The following PLXNA4 variants were observed in gnomAD, a reference collection of about 807,000 sequenced individuals.
PLXNA4 encodes plexin-A4.
A neutral mutation model predicts 191.8 loss-of-function variants in PLXNA4; 44 were observed. That is an observed-to-expected ratio of 0.23 (90% CI 0.18 to 0.29). The LOEUF (loss-of-function observed/expected upper bound fraction) is 0.29. Ranked by LOEUF, PLXNA4 falls within the 10% of genes least tolerant of loss-of-function variation. The probability of loss-of-function intolerance (pLI) is 1.00; values close to 1 mark genes in which losing one functional copy is unlikely to be tolerated. For missense variants in PLXNA4, 1,800 were observed against 2,488.8 expected, an observed-to-expected ratio of 0.72 and a Z score of 5.89; for synonymous variants, 1,082 against 1,009.5, an observed-to-expected ratio of 1.07 and a Z score of -1.36.
intron 2 of PLXNA4, among the ~76,000 whole-genome samples, chr7:132,591,309 T>A (rs1802600219): frequency 6.6e-6 from 1 of 152,292 alleles, no homozygotes; most frequent in South Asian, 2.1e-4. Flanking sequence ...CCAGCCCTCA[T>A]CAAATCACTC....
At chr7:132,474,426 G>A (rs551942646) in intron 3 of PLXNA4, among the ~76,000 whole-genome samples, 132 of 152,214 alleles carry the variant, frequency 8.7e-4, no homozygotes, top group Non-Finnish European at 1.7e-3. Flanking sequence ...GGAGGTAGTA[G>A]GAGTGAACCT....
chr7:132,246,805 A>ATCC (rs200242797), intron 4 of PLXNA4, among the ~76,000 whole-genome samples: 6,578 of 147,422 alleles, frequency 0.045, 484 homozygotes, highest in East Asian at 0.31. Context: ...CATCATCATC[A>ATCC]TCCTCATCAT....
chr7:132,623,701 T>TG (rs529011923), intron 2 of PLXNA4, among the ~76,000 whole-genome samples: 20 of 152,276 alleles, frequency 1.3e-4, no homozygotes, highest in African/African-American at 3.4e-4. Flanking sequence ...CCTGGGACCC[T>TG]GGGGCTCTAC....
intron 3 of PLXNA4, among the ~76,000 whole-genome samples, chr7:132,319,951 C>T (rs1372097797): frequency 1.3e-5 from 2 of 152,202 alleles, no homozygotes; most frequent in African/African-American, 4.8e-5. Context: ...TGTTCTCCAC[C>T]CCTGCCTTCT....
intron 9 of PLXNA4, among the ~76,000 whole-genome samples, chr7:132,215,227 C>T (rs1031541826): frequency 6.6e-6 from 1 of 152,206 alleles, no homozygotes; most frequent in Non-Finnish European, 1.5e-5. Flanking sequence ...CTGGCCACTG[C>T]TCCCTGAACA....
intron 4 of PLXNA4, among the ~76,000 whole-genome samples, chr7:132,269,129 A>G (rs1221632206): frequency 1.3e-5 from 2 of 152,066 alleles, no homozygotes; most frequent in South Asian, 4.2e-4. Context: ...CAGCTGCCCC[A>G]GTACTTGTGG....
intron 5 of PLXNA4, among the ~76,000 whole-genome samples, chr7:132,231,077 T>A (rs1384087303): frequency 6.6e-6 from 1 of 152,192 alleles, no homozygotes; most frequent in East Asian, 1.9e-4. Flanking sequence ...AAACTACTCA[T>A]CATCTTCCCC....
intron 3 of PLXNA4, among the ~76,000 whole-genome samples, chr7:132,315,220 CTTG>C (rs1801899015): frequency 6.6e-6 from 1 of 152,142 alleles, no homozygotes; most frequent in African/African-American, 2.4e-5. Flanking sequence ...CTCTGGGAGG[CTTG>C]TTTTCTCTAG....
Position 132,586,895 on chromosome 7 carries a change from A to G in PLXNA4, c.-87+59033T>C, listed in dbSNP as rs184606428. ...CAGTGAGCCATGATTGCACCACAGC[A>G]CTCCATCCTGGGTGACAGAGTGAGA... On this transcript the variant is annotated intron_variant, in intron 2 of 4. Transcript: ENST00000378539. 5.7e-4 allele frequency among the ~76,000 whole-genome samples: 87 copies of G among 152,310 alleles called. 1 individual carries two copies. In the East Asian group the frequency reaches 0.013, roughly 23 times the overall value.
At chr7:132,563,331 TCCTC>T (rs1801436754) in intron 1 of PLXNA4, among the ~76,000 whole-genome samples, 1 of 111,704 alleles carries the variant, frequency 9.0e-6, no homozygotes, top group Non-Finnish European at 1.8e-5. Context: ...CTTCTCCTCC[TCCTC>T]CTTCTCCTCC....
At chr7:132,208,028 C>A (rs1797682256) in intron 10 of PLXNA4, among the ~76,000 whole-genome samples, 5 of 152,204 alleles carry the variant, frequency 3.3e-5, no homozygotes, top group Admixed American at 1.3e-4. Flanking sequence ...TAAGTAGATA[C>A]CCTCTCAGGT....
intron 28 of PLXNA4, among the ~76,000 whole-genome samples, chr7:132,145,954 T>C (rs983156894): frequency 5.7e-5 from 8 of 141,440 alleles, no homozygotes; most frequent in African/African-American, 1.6e-4. Flanking sequence ...GGCGTGGTGG[T>C]GCATGCTTGT....
chr7:132,456,233 T>C (rs1268337142), intron 3 of PLXNA4, among the ~76,000 whole-genome samples: 3 of 151,070 alleles, frequency 2.0e-5, no homozygotes, highest in Non-Finnish European at 4.4e-5. Context: ...TGCCTCAGCC[T>C]CCCGAGTAGC....
chr7:132,370,402 C>T (rs1163664134), intron 3 of PLXNA4, among the ~76,000 whole-genome samples: 7 of 152,320 alleles, frequency 4.6e-5, no homozygotes, highest in Non-Finnish European at 8.8e-5. Context: ...TTGACTTGGA[C>T]GTGGCCTCTC....
intron 4 of PLXNA4, among the ~76,000 whole-genome samples, chr7:132,281,251 A>G (rs1465194393): frequency 1.3e-5 from 2 of 152,186 alleles, no homozygotes; most frequent in Non-Finnish European, 2.9e-5. Flanking sequence ...CCTCACATAG[A>G]CGCAGAGATG....
At chr7:132,475,491 T>C (rs898307858) in intron 3 of PLXNA4, among the ~76,000 whole-genome samples, 1 of 152,142 alleles carries the variant, frequency 6.6e-6, no homozygotes, top group African/African-American at 2.4e-5. Context: ...CAGGAACCGC[T>C]CTGTCACTGC....
Position 132,439,660 on chromosome 7 carries a change from G to A in PLXNA4, c.1371+49632C>T, listed in dbSNP as rs923035853. On this transcript the variant is annotated intron_variant, in intron 3 of 31. Transcript: ENST00000321063. ...GAACCAAAACATTTGCAAACCACTTGTTTAGGGGGCAAGACCTGAACTCAA... is the reference window on the plus strand; with the variant it reads ...GAACCAAAACATTTGCAAACCACTTATTTAGGGGGCAAGACCTGAACTCAA... Among the ~76,000 whole-genome samples the A allele has an allele frequency of 2.0e-5, 3 of 152,116 alleles. No individual in the cohort carries two copies. The East Asian group carries it at 5.8e-4, about 29-fold the overall frequency.
chr7:132,509,257 GCA>G (rs1242486737), intron 1 of PLXNA4, among the ~76,000 whole-genome samples: 5 of 152,106 alleles, frequency 3.3e-5, no homozygotes, highest in African/African-American at 1.2e-4. Context: ...GCAGGCCTCT[GCA>G]CACAGTTTCT....
intron 2 of PLXNA4, among the ~76,000 whole-genome samples, chr7:132,618,513 T>TA (rs1341224747): frequency 1.3e-5 from 2 of 152,358 alleles, no homozygotes; most frequent in Non-Finnish European, 2.9e-5. Context: ...TAATTGTAAT[T>TA]AACCTCTGAC....
Sources: allele counts gnomAD v4.1 joint callset (sites outside exome capture counted in the v4.1 genomes callset), GRCh38; gene constraint gnomAD v4.1.1; transcripts MANE v1.5; gene names NCBI Gene and HGNC (gene_info 2026-07-23, HGNC 2026-07-21).